STAT4: variants seen among roughly 807,000 people sequenced by gnomAD.
The protein encoded by STAT4 is signal transducer and activator of transcription 4.
A neutral mutation model predicts 110.5 loss-of-function variants in STAT4; 42 were observed. That is an observed-to-expected ratio of 0.38 (90% CI 0.30 to 0.49). The LOEUF is 0.49. Ranked by LOEUF, STAT4 falls within the 20% of genes least tolerant of loss-of-function variation. STAT4 has a pLI of 0.95. For missense variants in STAT4, 632 were observed against 887.9 expected (o/e 0.71, Z 3.66); for synonymous variants, 284 against 302.2 (o/e 0.94, Z 0.63).
At chr2:191,100,954 A>G (rs578119161) in intron 3 of STAT4, among the ~76,000 whole-genome samples, 2 of 152,164 alleles carry the variant, frequency 1.3e-5, no homozygotes, top group South Asian at 4.1e-4. Flanking sequence ...TCCGAAGTCA[A>G]GGGTTTTAGA....
intron 3 of STAT4, among the ~76,000 whole-genome samples, chr2:191,133,978 C>A (rs1332097658): frequency 6.6e-6 from 1 of 152,176 alleles, no homozygotes; most frequent in Non-Finnish European, 1.5e-5. Context: ...AAACATATTG[C>A]CAAGTGAAAG....
Position 191,104,778 on chromosome 2 carries a change from T to G in STAT4, c.274-28453A>C, listed in dbSNP as rs1574158910. ...TCTCTCTATTACTCTTTTATTTTGC[T>G]GCCAACTGGTAAAAACTTTATTAAG... is the stretch of plus-strand genomic sequence containing the variant. On this transcript the variant is annotated intron_variant, in intron 3 of 23. Coordinates refer to ENST00000392320, the MANE Select transcript of STAT4 (RefSeq NM_003151.4). This position sits in a 1 kb window ranked among gnomAD's most constrained non-coding sequence, Gnocchi z 4.3. Among the ~76,000 whole-genome samples the G allele has an allele frequency of 6.6e-6, 1 of 152,192 alleles. No individual in the cohort carries two copies. Among genetic ancestry groups the G allele is most frequent in the Non-Finnish European group, 1.5e-5 (1 of 68,022 alleles).
chr2:191,064,909 A>C lies in STAT4; in HGVS notation c.680T>G (p.Met227Arg). 1 of 1,612,868 alleles carries C rather than the reference A, an allele frequency of 6.2e-7. No individual in the cohort carries two copies. Among genetic ancestry groups the C allele is most frequent in the South Asian group, 1.1e-5 (1 of 90,936 alleles). ...CAGCTCTTCTATGAGCATGGTGTTCATTAACAGGTCTGTCTCATGGATGAT... is the reference window on the plus strand; with the variant it reads ...CAGCTCTTCTATGAGCATGGTGTTCCTTAACAGGTCTGTCTCATGGATGAT... ...TQIIHETDLL[M>R]NTMLIEELQD... The change falls in exon 8 of 24, where the codon ATG becomes AGG. Residue 227 changes from methionine (M) to arginine (R), a missense_variant. Met to Arg is a moderately conservative substitution (Grantham distance 91). Coordinates refer to ENST00000392320, the MANE Select transcript of STAT4 (RefSeq NM_003151.4).
rs1695964773 is a variant in STAT4 at position 191,033,790 on chromosome 2, A to T, written c.1715+121T>A. 1 of 1,328,544 alleles carries T rather than the reference A, an allele frequency of 7.5e-7. No homozygotes were observed. Among genetic ancestry groups the T allele is most frequent in the South Asian group, 1.5e-5 (1 of 67,992 alleles). The allele number at this position is 1,328,544 out of a possible 1,614,324, so 82.3% of individuals were successfully genotyped here. A position where few individuals can be genotyped will look rare whatever the true frequency, so the allele number is the denominator to read the frequency against. On this transcript the variant is annotated intron_variant, in intron 19 of 23. Transcript: ENST00000392320. The surrounding 1 kb of genome is among the most constrained non-coding windows in gnomAD (Gnocchi z 6.9). Reference sequence around the variant, plus strand: ...AGTGCCACTCCACAAAGAATAAGAAATTGCAACTATTTTTTTCTGTGGTAC... The same window carrying T: ...AGTGCCACTCCACAAAGAATAAGAATTTGCAACTATTTTTTTCTGTGGTAC...
At chr2:191,092,452 G>A (rs929869549) in intron 3 of STAT4, among the ~76,000 whole-genome samples, 6 of 151,218 alleles carry the variant, frequency 4.0e-5, no homozygotes, top group Non-Finnish European at 5.9e-5. Flanking sequence ...CAAATTTTAC[G>A]TAACAGATAT....
chr2:191,115,733 T>A (rs1318565472), intron 3 of STAT4, among the ~76,000 whole-genome samples: 1 of 152,188 alleles, frequency 6.6e-6, no homozygotes, highest in East Asian at 1.9e-4. Context: ...TCTGGGTGAT[T>A]CAGCTGGTAC....
Position 191,053,651 on chromosome 2 carries a change from C to T in STAT4, c.1251+839G>A, listed in dbSNP as rs1225577109. Among the ~76,000 whole-genome samples the T allele has an allele frequency of 1.3e-5, 2 of 152,094 alleles. No individual in the cohort carries two copies. The highest frequency in any genetic ancestry group is 2.9e-5 in the Non-Finnish European group (2 of 68,024). ...CTCAAAATAATAGGGTTGTTTTTTA[C>T]CCCACATATCATAATTTTTCAGCCT... is the stretch of plus-strand genomic sequence containing the variant. On this transcript the variant is annotated intron_variant, in intron 14 of 23. Coordinates refer to ENST00000392320, the MANE Select transcript of STAT4 (RefSeq NM_003151.4). The surrounding 1 kb of genome is among the most constrained non-coding windows in gnomAD (Gnocchi z 4.5).
In STAT4 at chr2:191,062,657, G is replaced by A. The variant is rs559210289; in HGVS notation, c.941+105C>T. On this transcript the variant is annotated intron_variant, in intron 9 of 23. Transcript: ENST00000392320. The surrounding 1 kb of genome is among the most constrained non-coding windows in gnomAD (Gnocchi z 4.9). Reference sequence around the variant, plus strand: ...TTCTATTCACTTCTCCCTGAGGCTCGTTGTTGAATACTTCCCTGCCACTCT... The same window carrying A: ...TTCTATTCACTTCTCCCTGAGGCTCATTGTTGAATACTTCCCTGCCACTCT... 15 of 1,266,132 alleles carry A rather than the reference G, an allele frequency of 1.2e-5. No homozygotes were observed. The highest frequency in any genetic ancestry group is 2.5e-5 in the East Asian group (1 of 40,458). The allele number at this position is 1,266,132 out of a possible 1,614,324, so 78.4% of individuals were successfully genotyped here. A position where few individuals can be genotyped will look rare whatever the true frequency, so the allele number is the denominator to read the frequency against.
intron 3 of STAT4, among the ~76,000 whole-genome samples, chr2:191,122,249 A>G (rs1698756893): frequency 6.6e-6 from 1 of 152,118 alleles, no homozygotes; most frequent in South Asian, 2.1e-4. Context: ...TAAAATTCTC[A>G]ACATTATTAA....
rs779793271 is a variant in STAT4, at chr2:191,146,578, T to A, written c.273+35A>T. ...TTTAACTAAATTTAAGACTCATATATCCAAATATTTTGGAAAAGTAGAATG... is the reference window on the plus strand; with the variant it reads ...TTTAACTAAATTTAAGACTCATATAACCAAATATTTTGGAAAAGTAGAATG... On this transcript the variant is annotated intron_variant, in intron 3 of 23. Coordinates refer to ENST00000392320, the MANE Select transcript of STAT4 (RefSeq NM_003151.4). The surrounding 1 kb of genome is among the most constrained non-coding windows in gnomAD (Gnocchi z 4.5). 7.0e-7 allele frequency: 1 copy of A among 1,436,556 alleles called. No individual in the cohort carries two copies. The highest frequency in any genetic ancestry group is 2.5e-5 in the East Asian group (1 of 39,658). 89.0% of individuals were successfully genotyped at this position (1,436,556 alleles called of 1,614,324 possible).
At position 191,039,926 on chromosome 2, in the gene STAT4, A is replaced by G. The variant is rs555173470; in HGVS notation, c.1336-629T>C. 5.1e-4 allele frequency among the ~76,000 whole-genome samples: 77 copies of G among 152,250 alleles called. No individual in the cohort carries two copies. The highest frequency in any genetic ancestry group is 9.1e-4 in the Non-Finnish European group (62 of 68,044). Reference sequence around the variant, plus strand: ...CAACTTACAGTACTCTTTTCCCAATAACAGACATCAGATTCCTGTAGATGG... The same window carrying G: ...CAACTTACAGTACTCTTTTCCCAATGACAGACATCAGATTCCTGTAGATGG... On this transcript the variant is annotated intron_variant, in intron 15 of 23. Transcript: ENST00000392320. The surrounding 1 kb of genome is among the most constrained non-coding windows in gnomAD (Gnocchi z 4.7).
chr2:191,041,147 C>T lies in STAT4; in HGVS notation c.1253G>A (p.Gly418Asp). ...AAGTTCTTCAGTCACCATGTGACAG[C>T]CCTAAGGAAGAGAGAAATAAATTGT... ...KSSAGGKGNE[G>D]CHMVTEELHS... Residue 418 changes from glycine to aspartate, a missense_variant and splice_region_variant, in exon 15 of 24, where the codon GGC becomes GAC. This residue lies in a region of STAT4 where 488 missense variants were observed against 632.8 expected (regional missense o/e 0.77). Transcript: ENST00000392320. 7.0e-7 allele frequency: 1 copy of T among 1,431,396 alleles called. No homozygotes were observed. The highest frequency in any genetic ancestry group is 2.3e-5 in the Admixed American group (1 of 43,552). 88.7% of individuals were successfully genotyped at this position (1,431,396 alleles called of 1,614,324 possible).
chr2:191,150,928 GTGTGGTC>G lies in STAT4; in HGVS notation c.-2+12_-2+18del. 1.0e-6 allele frequency: 1 copy of G among 985,610 alleles called. No individual in the cohort carries two copies. The highest frequency in any genetic ancestry group is 1.2e-6 in the Non-Finnish European group (1 of 829,994). 61.1% of individuals were successfully genotyped at this position (985,610 alleles called of 1,614,324 possible). On this transcript the variant is annotated intron_variant, in intron 1 of 23. Coordinates refer to ENST00000392320, the MANE Select transcript of STAT4 (RefSeq NM_003151.4). The surrounding 1 kb of genome is among the most constrained non-coding windows in gnomAD (Gnocchi z 6.4). ...CCTCCTTACAAGAGGCAGCCAGAAG[GTGTGGTC>G]TGGCCACTTACCTAGCGCTCTCTCA...
intron 14 of STAT4, among the ~76,000 whole-genome samples, chr2:191,049,244 A>G (rs570462947): frequency 4.2e-4 from 59 of 139,382 alleles, no homozygotes; most frequent in African/African-American, 1.6e-3. Context: ...GCGAAATTTC[A>G]GCTCACTGCA....
rs1338230164 is a variant in STAT4 at position 191,035,562 on chromosome 2, A to C, written c.1570+602T>G. Among the ~76,000 whole-genome samples, 1 of 152,244 alleles carries C rather than the reference A, an allele frequency of 6.6e-6. No homozygotes were observed. The highest frequency in any genetic ancestry group is 1.5e-5 in the Non-Finnish European group (1 of 68,038). On this transcript the variant is annotated intron_variant, in intron 17 of 23. Coordinates refer to ENST00000392320, the MANE Select transcript of STAT4 (RefSeq NM_003151.4). This position sits in a 1 kb window ranked among gnomAD's most constrained non-coding sequence, Gnocchi z 4.7. ...TACAGATCTCTTAGAGACTTTTTAGAAAATGTTTGGATTATAGTTGGCACA... is the reference window on the plus strand; with the variant it reads ...TACAGATCTCTTAGAGACTTTTTAGCAAATGTTTGGATTATAGTTGGCACA...
chr2:191,074,983 A>C (rs1302885198), intron 4 of STAT4, among the ~76,000 whole-genome samples: 1 of 152,148 alleles, frequency 6.6e-6, no homozygotes, highest in East Asian at 1.9e-4. Flanking sequence ...CAATGTAGTG[A>C]AATCTGTCTC....
Position 191,030,483 on chromosome 2 carries a change from G to A in STAT4, c.2220+489C>T, listed in dbSNP as rs1002200214. 2.0e-5 allele frequency among the ~76,000 whole-genome samples: 3 copies of A among 152,122 alleles called. No homozygotes were observed. On this transcript the variant is annotated intron_variant, in intron 23 of 23. Coordinates refer to ENST00000392320, the MANE Select transcript of STAT4 (RefSeq NM_003151.4). This position sits in a 1 kb window ranked among gnomAD's most constrained non-coding sequence, Gnocchi z 4.4. ...TGACTGTTATTCATATATTATTGAT[G>A]AGGCTCCGGGTTCTAGAAATGCAAG...
At chr2:191,045,191 T>C (rs1696315693) in intron 14 of STAT4, among the ~76,000 whole-genome samples, 2 of 152,108 alleles carry the variant, frequency 1.3e-5, no homozygotes, top group Admixed American at 1.3e-4. Context: ...CAAAAAATAA[T>C]CACCTCTGGG....
Position 191,148,077 on chromosome 2 carries a change from A to C in STAT4, c.127T>G (p.Trp43Gly). The stretch of plus-strand genomic sequence containing the variant: ...TAGGGAAAATATGTTTGATCCTACC[A>C]GTCTTGATTTTCAATCCATTGGGCC... ...LLAQWIENQD[W>G]EAASNNETMA... Residue 43 changes from tryptophan (W) to glycine (G), a missense_variant and splice_region_variant, in exon 2 of 24, where the codon TGG (tryptophan) becomes GGG (glycine). By Grantham distance (184) the Trp-to-Gly change is radical (BLOSUM62 -2). This residue lies in a region of STAT4 where 488 missense variants were observed against 632.8 expected (regional missense o/e 0.77). Coordinates refer to ENST00000392320, the MANE Select transcript of STAT4 (RefSeq NM_003151.4). 6.2e-7 allele frequency: 1 copy of C among 1,613,768 alleles called. No homozygotes were observed. The highest frequency in any genetic ancestry group is 2.2e-5 in the East Asian group (1 of 44,846).
Sources: gnomAD v4.1 joint callset for allele counts (sites outside exome capture counted in the v4.1 genomes callset) on GRCh38, gnomAD v4.1.1 for gene constraint, gnomAD v4.1.1 regional missense constraint, Gnocchi (gnomAD v3.1) non-coding constraint, MANE v1.5 for transcripts, NCBI Gene and HGNC (gene_info 2026-07-23, HGNC 2026-07-21) for gene names.